Variants in CA10 observed in about 807,000 individuals in gnomAD.
The protein encoded by CA10 is carbonic anhydrase 10 (inactive), also known as carbonic anhydrase-related protein 10.
Under a neutral mutation model 44.2 loss-of-function variants are expected in CA10, and 14 were observed. The ratio of observed to expected loss-of-function variants is 0.32; its 90% confidence interval spans 0.21 to 0.50. The LOEUF (loss-of-function observed/expected upper bound fraction) is 0.50, where lower values mean the gene tolerates loss of function less well. Ranked by LOEUF, CA10 falls within the 20% of genes least tolerant of loss-of-function variation. The probability of loss-of-function intolerance (pLI) is 0.99; values close to 1 mark genes in which losing one functional copy is unlikely to be tolerated. For missense variants in CA10, 350 were observed against 409.7 expected, an observed-to-expected ratio of 0.85 and a Z score of 1.26; for synonymous variants, 159 against 141.6, an observed-to-expected ratio of 1.12 and a Z score of -0.87.
chr17:51,861,694 G>A (rs1252781270), intron 3 of CA10, among the ~76,000 whole-genome samples: 1 of 152,134 alleles, frequency 6.6e-6, no homozygotes, highest in Non-Finnish European at 1.5e-5. Flanking sequence ...ATGAGTCTTT[G>A]AAAATTAGCC....
chr17:51,819,902 C>T (rs1423727108), intron 3 of CA10, among the ~76,000 whole-genome samples: 1 of 152,152 alleles, frequency 6.6e-6, no homozygotes, highest in Non-Finnish European at 1.5e-5. Context: ...TTCTCGATTT[C>T]TCTGTCTCTG....
At chr17:52,130,144 T>A (rs1360668098) in intron 1 of CA10, among the ~76,000 whole-genome samples, 2 of 152,046 alleles carry the variant, frequency 1.3e-5, no homozygotes, top group African/African-American at 2.4e-5. Context: ...AATAAAAAGA[T>A]GAAAGATAAC....
At chr17:51,851,899 A>C (rs1405682576) in intron 3 of CA10, among the ~76,000 whole-genome samples, 1 of 152,194 alleles carries the variant, frequency 6.6e-6, no homozygotes, top group Non-Finnish European at 1.5e-5. Context: ...GATTTTGCTA[A>C]ACTTTCCTTC....
chr17:51,695,803 G>A (rs953958990), intron 4 of CA10, among the ~76,000 whole-genome samples: 5 of 152,146 alleles, frequency 3.3e-5, no homozygotes, highest in Non-Finnish European at 7.4e-5. Flanking sequence ...CTGTGGTTTT[G>A]TCATAGATGG....
chr17:52,027,968 T>G (rs1986352066), intron 2 of CA10, among the ~76,000 whole-genome samples: 1 of 152,160 alleles, frequency 6.6e-6, no homozygotes, highest in African/African-American at 2.4e-5. Flanking sequence ...TAGGCTGGAC[T>G]GCTTTTGGCT....
At chr17:51,886,886 C>A (rs1980625856) in intron 3 of CA10, among the ~76,000 whole-genome samples, 1 of 152,142 alleles carries the variant, frequency 6.6e-6, no homozygotes, top group South Asian at 2.1e-4. Context: ...CAAACTAGAA[C>A]CTGGACTTAT....
chr17:51,902,212 G>A (rs1981347338), intron 3 of CA10, among the ~76,000 whole-genome samples: 1 of 152,128 alleles, frequency 6.6e-6, no homozygotes, highest in Non-Finnish European at 1.5e-5. Flanking sequence ...AGAAAACCTA[G>A]GTTAGATTTT....
chr17:51,870,332 T>C (rs1979745407), intron 3 of CA10, among the ~76,000 whole-genome samples: 1 of 152,244 alleles, frequency 6.6e-6, no homozygotes, highest in Non-Finnish European at 1.5e-5. Flanking sequence ...GAGCTGGCAG[T>C]CCACAAATAA....
chr17:51,893,086 A>C lies in CA10; in HGVS notation c.279+37904T>G, dbSNP rs752928637. ...TCTTGTCATCATCAGTATTATTGTT[A>C]TTGTTTTTATAAGTTGCATAATATC... is the stretch of plus-strand genomic sequence containing the variant. On this transcript the variant is annotated intron_variant, in intron 3 of 8. Coordinates refer to ENST00000451037, the MANE Select transcript of CA10 (RefSeq NM_020178.5). Among the ~76,000 whole-genome samples the C allele has an allele frequency of 6.2e-4, 94 of 152,110 alleles. 1 individual carries two copies. The highest frequency in any genetic ancestry group is 1.0e-3 in the Non-Finnish European group (68 of 68,010).
At chr17:51,674,605 T>C (rs538352381) in intron 4 of CA10, among the ~76,000 whole-genome samples, 3 of 152,340 alleles carry the variant, frequency 2.0e-5, no homozygotes, top group African/African-American at 7.2e-5. Context: ...ATTATCTGCA[T>C]TATACTAATT....
chr17:51,838,996 A>T (rs922539050), intron 3 of CA10, among the ~76,000 whole-genome samples: 7 of 152,138 alleles, frequency 4.6e-5, no homozygotes, highest in Admixed American at 2.6e-4. Flanking sequence ...ATTTTGTTTT[A>T]TTTTCATTTG....
At chr17:51,928,003 C>T (rs750034195) in intron 3 of CA10, among the ~76,000 whole-genome samples, 20 of 152,084 alleles carry the variant, frequency 1.3e-4, no homozygotes, top group African/African-American at 4.8e-4. Flanking sequence ...TACAACCCAG[C>T]CTTAAGGGCG....
chr17:51,962,108 T>G (rs1983914551), intron 2 of CA10, among the ~76,000 whole-genome samples: 1 of 152,188 alleles, frequency 6.6e-6, no homozygotes, highest in African/African-American at 2.4e-5. Flanking sequence ...CACAACATAT[T>G]TGCATGGATT....
intron 1 of CA10, 114 bp downstream of exon 1, chr17:52,157,612 C>G (rs2143431410): frequency 1.1e-6 from 1 of 920,500 alleles, no homozygotes; most frequent in South Asian, 1.4e-5. Context: ...CCGCAGAACT[C>G]AAAGGGTCTC....
At chr17:52,021,878 C>T (rs1463510087) in intron 2 of CA10, among the ~76,000 whole-genome samples, 1 of 151,992 alleles carries the variant, frequency 6.6e-6, no homozygotes, top group African/African-American at 2.4e-5. Flanking sequence ...CTGAACAGAA[C>T]AATAACATGT....
At chr17:52,070,258 T>A (rs1346624598) in intron 2 of CA10, among the ~76,000 whole-genome samples, 1 of 152,170 alleles carries the variant, frequency 6.6e-6, no homozygotes, top group African/African-American at 2.4e-5. Flanking sequence ...ACCTTATAAA[T>A]TCAAGCATCC....
chr17:51,685,759 A>G lies in CA10; in HGVS notation c.466-32023T>C, dbSNP rs1914987745. On this transcript the variant is annotated intron_variant, in intron 4 of 8. Transcript: ENST00000451037. ...GGCAGCCAAACAATCAACAGAGGTG[A>G]AGGTTGAAGAGGCTGGTCCCTGTTG... Among the ~76,000 whole-genome samples the G allele has an allele frequency of 5.9e-5, 9 of 152,322 alleles. No homozygotes were observed. The South Asian group carries it at 1.9e-3, about 32-fold the overall frequency.
intron 3 of CA10, among the ~76,000 whole-genome samples, chr17:51,804,350 T>C (rs1476275382): frequency 1.3e-5 from 2 of 152,206 alleles, no homozygotes; most frequent in African/African-American, 4.8e-5. Context: ...ATGCTTCTCT[T>C]TCATCCTCTT....
At chr17:51,649,398 G>T in intron 5 of CA10, 144 bp from the exon 6 acceptor site, 1 of 670,502 alleles carries the variant, frequency 1.5e-6, no homozygotes, top group Non-Finnish European at 2.6e-6. Flanking sequence ...AGAGAGCAAA[G>T]CCAGAGTCCC....
Sources: allele counts gnomAD v4.1 joint callset (sites outside exome capture counted in the v4.1 genomes callset), GRCh38; gene constraint gnomAD v4.1.1; transcripts MANE v1.5; gene names NCBI Gene and HGNC (gene_info 2026-07-23, HGNC 2026-07-21).